Variants in MYOM2 observed in about 807,000 individuals in gnomAD.
MYOM2 encodes the protein myomesin-2.
A neutral mutation model predicts 187.6 loss-of-function variants in MYOM2; 254 were observed. The observed-to-expected ratio is 1.35, with a 90% CI of 1.22 to 1.50. The LOEUF (loss-of-function observed/expected upper bound fraction) is 1.50, where lower values mean the gene tolerates loss of function less well. Ranked by LOEUF, MYOM2 falls within the 40% of genes most tolerant of loss-of-function variation. The pLI is 0.00. For missense variants in MYOM2, 2,796 were observed against 1,924.0 expected, an observed-to-expected ratio of 1.45 and a Z score of -8.48; for synonymous variants, 981 against 753.8, an observed-to-expected ratio of 1.30 and a Z score of -4.94.
chr8:2,127,553 G>C (rs1042343506), intron 31 of MYOM2, among the ~76,000 whole-genome samples: 1 of 152,364 alleles, frequency 6.6e-6, no homozygotes. Context: ...GGTTTAGGGA[G>C]GTGTGGAAGT....
At chr8:2,115,144 C>G (rs1490505312) in intron 25 of MYOM2, among the ~76,000 whole-genome samples, 1 of 142,156 alleles carries the variant, frequency 7.0e-6, no homozygotes, top group African/African-American at 2.6e-5. Context: ...AAATATCAAG[C>G]CCCCAAATAA....
At position 2,135,014 on chromosome 8, in the gene MYOM2, C is replaced by G. The variant is rs143826984; in HGVS notation, c.3801-5709C>G. ...CACACTCGCTCATCCGTGTCCACTTCTGCATCTCACCGTCTGTGTACTAGA... is the reference window on the plus strand; with the variant it reads ...CACACTCGCTCATCCGTGTCCACTTGTGCATCTCACCGTCTGTGTACTAGA... On this transcript the variant is annotated intron_variant, in intron 32 of 36. Transcript: ENST00000262113. Among the ~76,000 whole-genome samples, 140 of 152,324 alleles carry G rather than the reference C, an allele frequency of 9.2e-4. 1 individual carries two copies. In the East Asian group the frequency reaches 0.016, roughly 17 times the overall value.
rs1386558989 is a variant in MYOM2 at position 2,120,683 on chromosome 8, T to TAAA, written c.3454-2568_3454-2567insAAA. On this transcript the variant is annotated intron_variant, in intron 28 of 36. Transcript: ENST00000262113. ...GTATATATATATATATATTATATTA[T>TAAA]ATATAAATATATAATATATATATTT... Among the ~76,000 whole-genome samples, 41 of 40,244 alleles carry TAAA rather than the reference T, an allele frequency of 1.0e-3. 4 individuals carry two copies. Among genetic ancestry groups the TAAA allele is most frequent in the African/African-American group, 3.0e-3 (41 of 13,634 alleles). The allele number at this position is 40,244 out of a possible 152,430, so 26.4% of individuals were successfully genotyped here.
At chr8:2,140,960 C>A in intron 33 of MYOM2, 74 bp downstream of exon 33, 2 of 1,449,382 alleles carry the variant, frequency 1.4e-6, no homozygotes, top group East Asian at 2.3e-5. Context: ...GGAGGGAATA[C>A]AATATGAATA....
chr8:2,115,917 G>T, intron 25 of MYOM2, 43 bp from the exon 26 acceptor site: 4 of 1,593,084 alleles, frequency 2.5e-6, no homozygotes, highest in Non-Finnish European at 3.4e-6. Context: ...AACTAGGAGA[G>T]ATTTCCTTGT....
chr8:2,081,050 G>T (rs112928183), intron 13 of MYOM2, among the ~76,000 whole-genome samples: 3 of 138,844 alleles, frequency 2.2e-5, no homozygotes, highest in African/African-American at 5.6e-5. Context: ...AGCCCAGCCC[G>T]TGCAGAATGA....
rs543042997 is a variant in MYOM2, at chr8:2,073,264, G to T, written c.959-75G>T. 4.9e-5 allele frequency: 74 copies of T among 1,505,898 alleles called. 2 individuals are homozygous for T. The South Asian group carries it at 7.4e-4, about 15-fold the overall frequency. The allele number at this position is 1,505,898 out of a possible 1,614,324, so 93.3% of individuals were successfully genotyped here. A position where few individuals can be genotyped will look rare whatever the true frequency, so the allele number is the denominator to read the frequency against. ...CTGTCCTGTCCCGCTCTGAGACGAC[G>T]CTGGTGTCCCCGAGGCTTTCTTTGC... On this transcript the variant is annotated intron_variant, in intron 9 of 36. Coordinates refer to ENST00000262113, the MANE Select transcript of MYOM2 (RefSeq NM_003970.4).
At chr8:2,063,141 G>A (rs1818905603) in intron 6 of MYOM2, among the ~76,000 whole-genome samples, 2 of 152,168 alleles carry the variant, frequency 1.3e-5, no homozygotes, top group Admixed American at 6.5e-5. Context: ...CCAAACAGAT[G>A]AAATGTTAAT....
intron 25 of MYOM2, among the ~76,000 whole-genome samples, chr8:2,112,286 A>T (rs1797092566): frequency 6.6e-6 from 1 of 151,692 alleles, no homozygotes; most frequent in Non-Finnish European, 1.5e-5. Context: ...TACAGTAAAC[A>T]CTCTCAGAAT....
At chr8:2,105,776 A>G (rs1477083953) in intron 21 of MYOM2, among the ~76,000 whole-genome samples, 6 of 152,234 alleles carry the variant, frequency 3.9e-5, no homozygotes, top group Non-Finnish European at 8.8e-5. Flanking sequence ...GGGTCATTAA[A>G]TGCAACTGAT....
At chr8:2,061,911 C>A (rs1430860217) in intron 6 of MYOM2, among the ~76,000 whole-genome samples, 1 of 152,184 alleles carries the variant, frequency 6.6e-6, no homozygotes, top group Admixed American at 6.5e-5. Flanking sequence ...CTTCCAGGTC[C>A]CACTCTCTGG....
chr8:2,076,929 A>G (rs1819445408), intron 11 of MYOM2, among the ~76,000 whole-genome samples: 1 of 152,222 alleles, frequency 6.6e-6, no homozygotes. Flanking sequence ...TTTACTGGAT[A>G]TGTAATTTAT....
At chr8:2,066,291 T>A (rs1427742167) in intron 6 of MYOM2, among the ~76,000 whole-genome samples, 1 of 152,190 alleles carries the variant, frequency 6.6e-6, no homozygotes, top group Non-Finnish European at 1.5e-5. Context: ...ACCTGGCTTG[T>A]GCGTTCACAG....
intron 32 of MYOM2, among the ~76,000 whole-genome samples, chr8:2,133,425 C>T (rs533735868): frequency 6.6e-6 from 1 of 152,336 alleles, no homozygotes; most frequent in South Asian, 2.1e-4. Context: ...GACGGAACCA[C>T]TGCCTCGGAG....
chr8:2,058,011 T>C (rs1333811968), intron 5 of MYOM2, among the ~76,000 whole-genome samples: 1 of 35,778 alleles, frequency 2.8e-5, no homozygotes, highest in Non-Finnish European at 5.3e-5. Flanking sequence ...TTTTTTTTTT[T>C]TTTTTTTTTT....
In MYOM2 at chr8:2,116,200, T is replaced by C. The variant is rs749631135; in HGVS notation, c.3326-16T>C. 6.3e-7 allele frequency: 1 copy of C among 1,596,206 alleles called. No individual in the cohort carries two copies. Among genetic ancestry groups the C allele is most frequent in the Non-Finnish European group, 8.5e-7 (1 of 1,173,066 alleles). ...CAAACATGTTTCATATATATTTTTTTAAATATTGAATTTAGCATTCAAGAC... is the reference window on the plus strand; with the variant it reads ...CAAACATGTTTCATATATATTTTTTCAAATATTGAATTTAGCATTCAAGAC... On this transcript the variant is annotated splice_polypyrimidine_tract_variant and intron_variant, in intron 26 of 36. Coordinates refer to ENST00000262113, the MANE Select transcript of MYOM2 (RefSeq NM_003970.4).
chr8:2,104,105 G>A (rs1159987740), intron 21 of MYOM2, among the ~76,000 whole-genome samples: 1 of 151,574 alleles, frequency 6.6e-6, no homozygotes, highest in Non-Finnish European at 1.5e-5. Context: ...CAGGAAGGAG[G>A]GCATTTTTTA....
chr8:2,063,740 A>C (rs1453362157), intron 6 of MYOM2, among the ~76,000 whole-genome samples: 2 of 152,242 alleles, frequency 1.3e-5, no homozygotes, highest in Admixed American at 6.5e-5. Flanking sequence ...TTGATATGGC[A>C]CTTAACCTTA....
intron 3 of MYOM2, among the ~76,000 whole-genome samples, chr8:2,054,253 C>T (rs926481292): frequency 3.3e-5 from 5 of 152,328 alleles, no homozygotes; most frequent in East Asian, 1.9e-4. Flanking sequence ...CAAATAAATA[C>T]TGAAGAGACA....
Sources: allele counts gnomAD v4.1 joint callset (sites outside exome capture counted in the v4.1 genomes callset), GRCh38; gene constraint gnomAD v4.1.1; transcripts MANE v1.5; gene names NCBI Gene and HGNC (gene_info 2026-07-23, HGNC 2026-07-21).